Variants in ERMARD observed in about 807,000 individuals in gnomAD.
ERMARD encodes ER membrane associated RNA degradation, also known as endoplasmic reticulum membrane-associated RNA degradation protein.
ERMARD carries 71 observed loss-of-function variants against 83.9 expected under a neutral mutation model. The observed-to-expected ratio is 0.85, with a 90% confidence interval of 0.70 to 1.03. The LOEUF (loss-of-function observed/expected upper bound fraction) is 1.03, where lower values mean the gene tolerates loss of function less well. Ranked by LOEUF, ERMARD falls within the 50% of genes least tolerant of loss-of-function variation. The probability of loss-of-function intolerance (pLI) is 0.00; values close to 1 mark genes in which losing one functional copy is unlikely to be tolerated. For synonymous variants in ERMARD, 284 were observed against 298.6 expected, an observed-to-expected ratio of 0.95 and a Z score of 0.50; for missense variants, 838 against 810.9, an observed-to-expected ratio of 1.03 and a Z score of -0.41.
chr6:169,755,471 C>T (rs776778756), intron 3 of ERMARD, 49 bp downstream of exon 3: 4 of 1,599,772 alleles, frequency 2.5e-6, no homozygotes, highest in Admixed American at 1.7e-5. Context: ...GCGAATACTA[C>T]TTAGAGGACG....
In ERMARD at chr6:169,755,405, T is replaced by G. The variant is rs745782759; in HGVS notation, c.298T>G (p.Trp100Gly). Reference sequence around the variant, plus strand: ...AATTCGATATGCACCGTGGTTCCAGTGGACAAGTTTTCCAGAGGTTTGGCT... The same window carrying G: ...AATTCGATATGCACCGTGGTTCCAGGGGACAAGTTTTCCAGAGGTTTGGCT... ...FEIRYAPWFQWTSFPELFPEI... is the reference protein window; with the variant it reads ...FEIRYAPWFQGTSFPELFPEI... The change falls in exon 3 of 18, where the codon TGG (tryptophan) becomes GGG (glycine). Residue 100 changes from tryptophan (W) to glycine (G), a missense_variant. Coordinates refer to ENST00000366773, the MANE Select transcript of ERMARD (RefSeq NM_018341.3). 18 of 1,614,140 alleles carry G rather than the reference T, an allele frequency of 1.1e-5. No individual in the cohort carries two copies. The South Asian group carries it at 1.9e-4, about 17-fold the overall frequency.
rs369497695 is a variant in ERMARD, at chr6:169,773,333, A to C, written c.1248A>C (p.Val416=). ...LLSVFKEKSA[V]ELLISLAEGY... is the part of the protein sequence containing the mutation. ...CTCTGCACTAGGAAAAATCAGCCGT[A>C]GAATTGTTGATTAGTCTTGCAGAAG... Residue 416 remains valine (V), a synonymous_variant, in exon 13 of 18, where the codon GTA becomes GTC. Transcript: ENST00000366773. 4 of 1,614,024 alleles carry C rather than the reference A, an allele frequency of 2.5e-6. No individual in the cohort carries two copies. Among genetic ancestry groups the C allele is most frequent in the Non-Finnish European group, 3.4e-6 (4 of 1,180,006 alleles).
intron 11 of ERMARD, among the ~76,000 whole-genome samples, chr6:169,769,001 A>G (rs1437124368): frequency 6.6e-6 from 1 of 152,234 alleles, no homozygotes; most frequent in African/African-American, 2.4e-5. Flanking sequence ...CATTTTTACC[A>G]TCAAAAAATA....
intron 13 of ERMARD, 119 bp from the exon 14 acceptor site, chr6:169,775,151 T>A: frequency 9.2e-7 from 1 of 1,081,800 alleles, no homozygotes. Context: ...GGTTTTAAAA[T>A]GTTTAGAATT....
chr6:169,755,274 T>C lies in ERMARD; in HGVS notation c.176-9T>C. The C allele has an allele frequency of 6.2e-7, 1 of 1,612,706 alleles. No individual in the cohort carries two copies. Among genetic ancestry groups the C allele is most frequent in the South Asian group, 1.1e-5 (1 of 90,770 alleles). On this transcript the variant is annotated splice_polypyrimidine_tract_variant and intron_variant, in intron 2 of 17. Transcript: ENST00000366773. ...TATGGTGCTGAAATTTGTTTTCTTA[T>C]CCTTTAAGAGCAGGGTCTGGATTAC...
At chr6:169,752,478 C>T (rs915504087) in intron 1 of ERMARD, among the ~76,000 whole-genome samples, 6 of 152,144 alleles carry the variant, frequency 3.9e-5, no homozygotes, top group African/African-American at 7.2e-5. Context: ...ATGGAGGATG[C>T]GAGTGACAAT....
At chr6:169,777,811 C>T (rs969719299) in intron 16 of ERMARD, among the ~76,000 whole-genome samples, 1 of 150,868 alleles carries the variant, frequency 6.6e-6, no homozygotes, top group African/African-American at 2.4e-5. Flanking sequence ...CCAACAGGAA[C>T]AAATGTGTGG....
chr6:169,766,811 C>T (rs1489709265), intron 10 of ERMARD, 144 bp downstream of exon 10: 2 of 872,982 alleles, frequency 2.3e-6, no homozygotes, highest in African/African-American at 1.8e-5. Context: ...CCAAAAAAAG[C>T]TGATAATTGA....
At chr6:169,754,162 G>C (rs1005718358) in intron 2 of ERMARD, 130 bp downstream of exon 2, 11 of 803,756 alleles carry the variant, frequency 1.4e-5, no homozygotes, top group Non-Finnish European at 1.8e-5. Flanking sequence ...TAACTCCAAG[G>C]AGAACAGGAA....
intron 9 of ERMARD, among the ~76,000 whole-genome samples, chr6:169,763,070 C>G (rs1467369375): frequency 6.6e-6 from 1 of 152,190 alleles, no homozygotes; most frequent in Non-Finnish European, 1.5e-5. Context: ...CACATTGACC[C>G]CCGGTCGCCC....
chr6:169,781,223 T>A (rs1335056718), intron 17 of ERMARD, 107 bp from the exon 18 acceptor site: 1 of 976,186 alleles, frequency 1.0e-6, no homozygotes, highest in Admixed American at 3.4e-5. Context: ...AGACATAAAT[T>A]AACTGCAGTT....
chr6:169,762,509 CAA>C lies in ERMARD; in HGVS notation c.942_943del (p.Arg315ThrfsTer5), dbSNP rs779167541. The C allele has an allele frequency of 6.2e-7, 1 of 1,613,786 alleles. No homozygotes were observed. The highest frequency in any genetic ancestry group is 1.1e-5 in the South Asian group (1 of 91,022). ...GTTTTTGCCACACTTAACAGATGTC[CAA>C]AAAGACTCCTGACTGCTGAGGTAAG... On this transcript the variant is annotated frameshift_variant, in exon 9 of 18. Coordinates refer to ENST00000366773, the MANE Select transcript of ERMARD (RefSeq NM_018341.3). LOFTEE classifies it high-confidence loss of function.
In ERMARD at chr6:169,781,268, C is replaced by A. The variant is rs1382781988; in HGVS notation, c.1854-62C>A. On this transcript the variant is annotated intron_variant, in intron 17 of 17. Transcript: ENST00000366773. ...AATAATTCCAAGAATGAAGTGAAGA[C>A]ATTTAATTCATTGTTTCATTTTATA... is the stretch of plus-strand genomic sequence containing the variant. 8.5e-6 allele frequency: 12 copies of A among 1,415,810 alleles called. No homozygotes were observed. The East Asian group carries it at 2.6e-4, about 30-fold the overall frequency. 87.7% of individuals were successfully genotyped at this position (1,415,810 alleles called of 1,614,324 possible).
intron 1 of ERMARD, among the ~76,000 whole-genome samples, chr6:169,752,315 G>C (rs1790229433): frequency 6.6e-6 from 1 of 152,176 alleles, no homozygotes. Context: ...GGTGCAGCCT[G>C]GCACCGTTTT....
chr6:169,756,745 C>T lies in ERMARD; in HGVS notation c.444C>T (p.Cys148=). 1.2e-6 allele frequency: 2 copies of T among 1,613,954 alleles called. No individual in the cohort carries two copies. The highest frequency in any genetic ancestry group is 1.1e-5 in the South Asian group (1 of 91,064). Residue 148 remains cysteine, a synonymous_variant, in exon 5 of 18, where the codon TGC becomes TGT. Transcript: ENST00000366773. ...GDVFLLIGKE[C]PFLLRDLLSS... is the part of the protein sequence containing the mutation. ...TATTTTTACTGATTGGGAAGGAATG[C>T]CCCTTTCTTTTAAGAGATCTGCTTT... is the stretch of plus-strand genomic sequence containing the variant.
At position 169,781,424 on chromosome 6, in the gene ERMARD, AC is replaced by A; in HGVS notation, c.1949del (p.Thr650LysfsTer4). On this transcript the variant is annotated frameshift_variant, in exon 18 of 18. Transcript: ENST00000366773. LOFTEE classifies it low-confidence loss of function (END_TRUNC). Reference sequence around the variant, plus strand: ...GAATGAAACTATCAATCTTACACATACAGCTTTGTTGAAAATGTGGACTTTT... The same window carrying A: ...GAATGAAACTATCAATCTTACACATAAGCTTTGTTGAAAATGTGGACTTTT... ...KWNETINLTH[T>X]ALLKMWTFSE... 6.2e-7 allele frequency: 1 copy of A among 1,613,138 alleles called. No individual in the cohort carries two copies. Among genetic ancestry groups the A allele is most frequent in the Non-Finnish European group, 8.5e-7 (1 of 1,179,732 alleles).
Position 169,776,624 on chromosome 6 carries a change from A to G in ERMARD, c.1690A>G (p.Arg564Gly). 1 of 1,614,206 alleles carries G rather than the reference A, an allele frequency of 6.2e-7. No individual in the cohort carries two copies. The highest frequency in any genetic ancestry group is 8.5e-7 in the Non-Finnish European group (1 of 1,180,044). The change falls in exon 16 of 18, where the codon AGG becomes GGG. Residue 564 changes from arginine (R) to glycine (G), a missense_variant. Coordinates refer to ENST00000366773, the MANE Select transcript of ERMARD (RefSeq NM_018341.3). Reference protein sequence around the residue: ...SELRHRQWVERTLRSRQRQNY... With the variant: ...SELRHRQWVEGTLRSRQRQNY... The stretch of plus-strand genomic sequence containing the variant: ...GCTGAGACACAGGCAGTGGGTGGAA[A>G]GGACGCTGCGGTCTCGCCAGCGGCA...
intron 17 of ERMARD, among the ~76,000 whole-genome samples, chr6:169,780,145 C>T (rs1253673142): frequency 6.6e-6 from 1 of 152,194 alleles, no homozygotes; most frequent in East Asian, 1.9e-4. Flanking sequence ...CTGTTAGCAG[C>T]TGAGGACTCC....
intron 5 of ERMARD, among the ~76,000 whole-genome samples, chr6:169,757,169 G>T (rs1346873004): frequency 3.3e-5 from 5 of 152,166 alleles, no homozygotes; most frequent in African/African-American, 9.6e-5. Flanking sequence ...AGATTTGGGT[G>T]GGGACACAGC....
Sources: gnomAD v4.1 joint callset for allele counts (sites outside exome capture counted in the v4.1 genomes callset) on GRCh38, gnomAD v4.1.1 for gene constraint, MANE v1.5 for transcripts, NCBI Gene and HGNC (gene_info 2026-07-23, HGNC 2026-07-21) for gene names.